Variants in KIAA1958 observed in about 807,000 individuals in gnomAD.
KIAA1958 encodes the protein KIAA1958.
Under a neutral mutation model 47.2 loss-of-function variants are expected in KIAA1958, and 14 were observed. The ratio of observed to expected loss-of-function variants is 0.30; its 90% confidence interval spans 0.20 to 0.46. The LOEUF (loss-of-function observed/expected upper bound fraction) is 0.46, where lower values mean the gene tolerates loss of function less well. Among genes scored for constraint, KIAA1958 ranks in the 20% least tolerant of loss-of-function variants. The probability of loss-of-function intolerance (pLI) is 1.00; values close to 1 mark genes in which losing one functional copy is unlikely to be tolerated. For missense variants in KIAA1958, 803 were observed against 909.2 expected, an observed-to-expected ratio of 0.88 and a Z score of 1.50; for synonymous variants, 354 against 353.3, an observed-to-expected ratio of 1.00 and a Z score of -0.02.
In KIAA1958 at chr9:112,659,843, C is replaced by T. The variant is rs377326724; in HGVS notation, c.1925C>T (p.Pro642Leu). Residue 642 changes from proline (P) to leucine (L), a missense_variant, in exon 4 of 4, where the codon CCG becomes CTG. Pro to Leu is a moderately conservative substitution (Grantham distance 98, BLOSUM62 -3). Coordinates refer to ENST00000337530, the MANE Select transcript of KIAA1958 (RefSeq NM_133465.4). ...TACAAGTACATGTACATCCACCGGC[C>T]GCCCACCCAAATGGAGGCCAAGTCC... is the stretch of plus-strand genomic sequence containing the variant. ...LLYKYMYIHR[P>L]PTQMEAKSPF... 8 of 1,614,010 alleles carry T rather than the reference C, an allele frequency of 5.0e-6. No homozygotes were observed. The African/African-American group carries it at 5.3e-5, about 11-fold the overall frequency.
intron 1 of KIAA1958, among the ~76,000 whole-genome samples, chr9:112,505,651 T>C (rs778602174): frequency 2.0e-5 from 3 of 152,234 alleles, no homozygotes. Context: ...TGTATGTTGT[T>C]GTAGCACCTC....
intron 1 of KIAA1958, among the ~76,000 whole-genome samples, chr9:112,487,417 G>A (rs1002156021): frequency 2.6e-5 from 4 of 151,910 alleles, no homozygotes; most frequent in East Asian, 1.9e-4. Flanking sequence ...CCGGCAGCTC[G>A]GGTCTCAGCG....
chr9:112,623,184 A>G (rs1342172975), intron 2 of KIAA1958, among the ~76,000 whole-genome samples: 2 of 152,238 alleles, frequency 1.3e-5, no homozygotes, highest in Admixed American at 6.5e-5. Context: ...ATGTAGGTGC[A>G]CATATGCATC....
rs1042556885 is a variant in KIAA1958, at chr9:112,545,832, T to G, written c.-24-28225T>G. The stretch of plus-strand genomic sequence containing the variant: ...TGATACACAGGTTTCTTTGTTTTTT[T>G]TTTTTTTTTTTTTTAGTGAATTTCA... On this transcript the variant is annotated intron_variant, in intron 1 of 3. Transcript: ENST00000337530. Among the ~76,000 whole-genome samples the G allele has an allele frequency of 3.3e-4, 50 of 149,728 alleles. No individual in the cohort carries two copies. The East Asian group carries it at 9.1e-3, about 27-fold the overall frequency.
rs1351500620 is a variant in KIAA1958, at chr9:112,668,892, G to A, written c.*8823G>A. The A allele has an allele frequency of 4.6e-5, 7 of 152,162 alleles. No individual in the cohort carries two copies. Among genetic ancestry groups the A allele is most frequent in the Non-Finnish European group, 7.3e-5 (5 of 68,042 alleles). 9.4% of individuals were successfully genotyped at this position (152,162 alleles called of 1,614,324 possible). A position where few individuals can be genotyped will look rare whatever the true frequency, so the allele number is the denominator to read the frequency against. ...TTCAATTTAACTACTTAGATAAGAAGCGCAATGCTTTTATTTAAAAATTTA... is the reference window on the plus strand; with the variant it reads ...TTCAATTTAACTACTTAGATAAGAAACGCAATGCTTTTATTTAAAAATTTA... On this transcript the variant is annotated 3_prime_UTR_variant, in exon 4 of 4. Transcript: ENST00000337530.
chr9:112,571,488 CTG>C (rs1472009364), intron 1 of KIAA1958, among the ~76,000 whole-genome samples: 1 of 152,180 alleles, frequency 6.6e-6, no homozygotes, highest in African/African-American at 2.4e-5. Context: ...TTGGCCATGA[CTG>C]TGTCATAGGG....
chr9:112,591,326 C>T (rs148077442), intron 2 of KIAA1958, among the ~76,000 whole-genome samples: 84 of 152,210 alleles, frequency 5.5e-4, no homozygotes, highest in African/African-American at 1.8e-3. Flanking sequence ...CCTCATGATC[C>T]GCCCGTCTCG....
intron 2 of KIAA1958, among the ~76,000 whole-genome samples, chr9:112,605,086 T>TAG (rs1418398622): frequency 6.7e-6 from 1 of 149,052 alleles, no homozygotes; most frequent in African/African-American, 2.4e-5. Context: ...TATATATATT[T>TAG]AGAGAGAGAG....
At chr9:112,561,306 G>GGCCTCCCAAAGT (rs1287444893) in intron 1 of KIAA1958, among the ~76,000 whole-genome samples, 1 of 151,896 alleles carries the variant, frequency 6.6e-6, no homozygotes, top group Admixed American at 6.6e-5. Flanking sequence ...TGCCTGCCTC[G>GGCCTCCCAAAGT]GCCTCCCAAA....
intron 1 of KIAA1958, among the ~76,000 whole-genome samples, chr9:112,497,550 C>G (rs1834066210): frequency 6.6e-6 from 1 of 152,144 alleles, no homozygotes; most frequent in Non-Finnish European, 1.5e-5. Context: ...GGCACCCAGT[C>G]TGTAGTATTT....
chr9:112,613,801 C>G (rs1238618601), intron 2 of KIAA1958, among the ~76,000 whole-genome samples: 1 of 152,106 alleles, frequency 6.6e-6, no homozygotes, highest in African/African-American at 2.4e-5. Flanking sequence ...AATGGAGCAC[C>G]TTTTCCTCAT....
At position 112,560,794 on chromosome 9, in the gene KIAA1958, A is replaced by G. The variant is rs929301450; in HGVS notation, c.-24-13263A>G. Reference sequence around the variant, plus strand: ...AGTCTGTGGGATGCTAGAATATTGCAAGGTAGTTGCTAAGGGTGGATAACT... The same window carrying G: ...AGTCTGTGGGATGCTAGAATATTGCGAGGTAGTTGCTAAGGGTGGATAACT... On this transcript the variant is annotated intron_variant, in intron 1 of 3. Transcript: ENST00000337530. Among the ~76,000 whole-genome samples, 55 of 152,184 alleles carry G rather than the reference A, an allele frequency of 3.6e-4. 1 individual carries two copies. The highest frequency in any genetic ancestry group is 1.3e-3 in the African/African-American group (55 of 41,522).
intron 1 of KIAA1958, among the ~76,000 whole-genome samples, chr9:112,531,287 C>T (rs1191529458): frequency 6.6e-6 from 1 of 152,186 alleles, no homozygotes; most frequent in Admixed American, 6.5e-5. Flanking sequence ...ACTCAGCAGG[C>T]TGAGGCAGGA....
chr9:112,618,106 G>A lies in KIAA1958; in HGVS notation c.1172-27544G>A. 6.4e-7 allele frequency: 1 copy of A among 1,550,568 alleles called. No individual in the cohort carries two copies. Among genetic ancestry groups the A allele is most frequent in the Non-Finnish European group, 8.7e-7 (1 of 1,147,006 alleles). On this transcript the variant is annotated intron_variant, in intron 2 of 3. Coordinates refer to ENST00000337530, the MANE Select transcript of KIAA1958 (RefSeq NM_133465.4). The surrounding 1 kb of genome is among the most constrained non-coding windows in gnomAD (Gnocchi z 7.1). ...AACCCAACAGCTTGGCCAATTACCA[G>A]TGTGGGCTCGAAAGGTACCTGAAAG...
intron 2 of KIAA1958, among the ~76,000 whole-genome samples, chr9:112,622,562 A>G (rs1458531015): frequency 6.6e-6 from 1 of 152,222 alleles, no homozygotes; most frequent in Non-Finnish European, 1.5e-5. Flanking sequence ...ATTTGATATC[A>G]TGGTTATTAG....
intron 2 of KIAA1958, among the ~76,000 whole-genome samples, chr9:112,604,893 A>G (rs1390948187): frequency 6.8e-6 from 1 of 148,056 alleles, no homozygotes; most frequent in Non-Finnish European, 1.5e-5. Flanking sequence ...CACTATATAT[A>G]TATAATAAAT....
At chr9:112,524,171 G>A (rs1307861583) in intron 1 of KIAA1958, among the ~76,000 whole-genome samples, 7 of 152,246 alleles carry the variant, frequency 4.6e-5, no homozygotes, top group Admixed American at 1.3e-4. Context: ...ATTTGTGTGT[G>A]CGTGAGATTT....
chr9:112,528,074 CCTT>C (rs1834691169), intron 1 of KIAA1958, among the ~76,000 whole-genome samples: 1 of 152,160 alleles, frequency 6.6e-6, no homozygotes, highest in Non-Finnish European at 1.5e-5. Context: ...TAATAATTCA[CCTT>C]CTTTGCATGA....
intron 1 of KIAA1958, among the ~76,000 whole-genome samples, chr9:112,513,480 C>CGGTGGCTTAGGGAGCCCGTCCGACCAT (rs1554720343): frequency 1.7e-5 from 1 of 58,016 alleles, no homozygotes. Context: ...GGGCTGGGGT[C>CGGTGGCTTAGGGAGCCCGTCCGACCAT]GGTGGCCGCG....
Sources: allele counts gnomAD v4.1 joint callset (sites outside exome capture counted in the v4.1 genomes callset), GRCh38; gene constraint gnomAD v4.1.1; non-coding constraint Gnocchi (gnomAD v3.1); transcripts MANE v1.5; gene names NCBI Gene and HGNC (gene_info 2026-07-23, HGNC 2026-07-21).